Variants in DYNC1H1 observed in about 807,000 individuals in gnomAD.
DYNC1H1 encodes dynein cytoplasmic 1 heavy chain 1.
In DYNC1H1, 51 loss-of-function variants were observed where a neutral mutation model predicts 527.1. That is an observed-to-expected ratio of 0.10 (90% CI 0.08 to 0.12). DYNC1H1 has a LOEUF of 0.12. DYNC1H1 is among the 10% of genes least tolerant of loss of function. The probability of loss-of-function intolerance (pLI) is 1.00; values close to 1 mark genes in which losing one functional copy is unlikely to be tolerated. For missense variants in DYNC1H1, 2,771 were observed against 5,971.8 expected, an observed-to-expected ratio of 0.46 and a Z score of 17.66; for synonymous variants, 2,189 against 2,278.8, an observed-to-expected ratio of 0.96 and a Z score of 1.12.
chr14:102,020,554 G>A lies in DYNC1H1; in HGVS notation c.8507+498G>A, dbSNP rs2048373283. Among the ~76,000 whole-genome samples the A allele has an allele frequency of 6.6e-6, 1 of 152,134 alleles. No homozygotes were observed. The highest frequency in any genetic ancestry group is 1.5e-5 in the Non-Finnish European group (1 of 68,032). ...TTTCTCAGTCTGTGTTCTCATCAAA[G>A]GCTTTGCAGCTGCAGCTCTGGGGCA... On this transcript the variant is annotated intron_variant, in intron 42 of 77. Transcript: ENST00000360184. This position sits in a 1 kb window ranked among gnomAD's most constrained non-coding sequence, Gnocchi z 4.3.
Position 102,004,841 on chromosome 14 carries a change from G to C in DYNC1H1, c.5129G>C (p.Arg1710Thr). Residue 1710 changes from arginine (R) to threonine (T), a missense_variant, in exon 25 of 78, where the codon AGA (arginine) becomes ACA (threonine). This residue lies in a region of DYNC1H1 where 105 missense variants were observed against 138.1 expected (regional missense o/e 0.76). Coordinates refer to ENST00000360184, the MANE Select transcript of DYNC1H1 (RefSeq NM_001376.5). Reference protein sequence around the residue: ...EWLTLVEKEMRVTLAKLLAES... With the variant: ...EWLTLVEKEMTVTLAKLLAES... Reference sequence around the variant, plus strand: ...CTCACATTGGTAGAAAAGGAGATGAGAGTCACCCTGGCCAAACTGCTTGCT... The same window carrying C: ...CTCACATTGGTAGAAAAGGAGATGACAGTCACCCTGGCCAAACTGCTTGCT... 6.2e-7 allele frequency: 1 copy of C among 1,614,178 alleles called. No individual in the cohort carries two copies. The highest frequency in any genetic ancestry group is 8.5e-7 in the Non-Finnish European group (1 of 1,180,044).
rs933737568 is a variant in DYNC1H1 at position 102,055,332 on chromosome 14, G to A, written c.*4769G>A. The A allele has an allele frequency of 3.3e-5, 5 of 152,108 alleles. No individual in the cohort carries two copies. Among genetic ancestry groups the A allele is most frequent in the African/African-American group, 4.8e-5 (2 of 41,376 alleles). The allele number at this position is 152,108 out of a possible 1,614,324, so 9.4% of individuals were successfully genotyped here. On this transcript the variant is annotated 3_prime_UTR_variant, in exon 78 of 78. Transcript: ENST00000360184. ...CTGGGAACACCGAGACCGAGAGCGC[G>A]TGGCTGTGTCTACAAAGGCCTCCTC... is the stretch of plus-strand genomic sequence containing the variant.
At position 102,022,797 on chromosome 14, in the gene DYNC1H1, A is replaced by G. The variant is rs1595620859; in HGVS notation, c.8554A>G (p.Thr2852Ala). 6.2e-7 allele frequency: 1 copy of G among 1,614,242 alleles called. No homozygotes were observed. Among genetic ancestry groups the G allele is most frequent in the Non-Finnish European group, 8.5e-7 (1 of 1,180,042 alleles). ...ERRWTDENIDTVALKHFPNID... is the reference protein window; with the variant it reads ...ERRWTDENIDAVALKHFPNID... Reference sequence around the variant, plus strand: ...GCGTTGGACTGATGAGAACATCGACACGGTTGCTCTGAAGCACTTCCCTAA... The same window carrying G: ...GCGTTGGACTGATGAGAACATCGACGCGGTTGCTCTGAAGCACTTCCCTAA... Residue 2852 changes from threonine (T) to alanine (A), a missense_variant, in exon 43 of 78, where the codon ACG (threonine) becomes GCG (alanine). By Grantham distance (58) the Thr-to-Ala change is moderately conservative. Around this residue, in one of 32 missense-constraint regions of DYNC1H1, gnomAD observed 163 missense variants for 346.9 expected, o/e 0.47. Transcript: ENST00000360184.
rs1419547377 is a variant in DYNC1H1 at position 102,044,716 on chromosome 14, T to C, written c.13006+18T>C. The C allele has an allele frequency of 1.2e-6, 2 of 1,612,200 alleles. No individual in the cohort carries two copies. The highest frequency in any genetic ancestry group is 4.5e-5 in the East Asian group (2 of 44,810). On this transcript the variant is annotated intron_variant, in intron 72 of 77. Coordinates refer to ENST00000360184, the MANE Select transcript of DYNC1H1 (RefSeq NM_001376.5). The surrounding 1 kb of genome is among the most constrained non-coding windows in gnomAD (Gnocchi z 7.1). ...CACACAGGGTAGGCAACAAGGATCCTCCCCACACGCAGGGTGGGTGGCGAG... is the reference window on the plus strand; with the variant it reads ...CACACAGGGTAGGCAACAAGGATCCCCCCCACACGCAGGGTGGGTGGCGAG...
chr14:102,046,525 C>A (rs890780959), intron 72 of DYNC1H1, among the ~76,000 whole-genome samples: 1 of 151,976 alleles, frequency 6.6e-6, no homozygotes, highest in African/African-American at 2.4e-5. Flanking sequence ...GAGAGCCAGG[C>A]GAGCTGGGCG....
At chr14:102,043,800 T>C in intron 69 of DYNC1H1, 75 bp from the exon 70 acceptor site, 1 of 1,605,386 alleles carries the variant, frequency 6.2e-7, no homozygotes. Flanking sequence ...AAGCTTTGAC[T>C]GACCTGGCAT....
At chr14:101,988,905 C>T (rs1295997983) in intron 10 of DYNC1H1, 53 bp downstream of exon 10, 2 of 1,609,452 alleles carry the variant, frequency 1.2e-6, no homozygotes, top group South Asian at 1.1e-5. Flanking sequence ...ACAAAACTCT[C>T]TCGTTAAAAA....
chr14:102,030,085 G>A (rs1371692988), intron 50 of DYNC1H1, 77 bp from the exon 51 acceptor site: 1 of 1,537,446 alleles, frequency 6.5e-7, no homozygotes, highest in Non-Finnish European at 8.9e-7. Context: ...TGTTGGCAGA[G>A]TGAAGAATGT....
chr14:101,985,267 CAATT>C lies in DYNC1H1; in HGVS notation c.1462-417_1462-414del, dbSNP rs1336691810. On this transcript the variant is annotated intron_variant, in intron 7 of 77. Coordinates refer to ENST00000360184, the MANE Select transcript of DYNC1H1 (RefSeq NM_001376.5). The surrounding 1 kb of genome is among the most constrained non-coding windows in gnomAD (Gnocchi z 5.9). ...TTACATATGCCTGAGATTTATAAAACAATTAAATGACTAATTTCTTTATATATAT... is the reference window on the plus strand; with the variant it reads ...TTACATATGCCTGAGATTTATAAAACAAATGACTAATTTCTTTATATATAT... Among the ~76,000 whole-genome samples, 1 of 152,088 alleles carries C rather than the reference CAATT, an allele frequency of 6.6e-6. No homozygotes were observed. The highest frequency in any genetic ancestry group is 1.5e-5 in the Non-Finnish European group (1 of 68,010).
intron 2 of DYNC1H1, among the ~76,000 whole-genome samples, chr14:101,977,118 T>C (rs970926813): frequency 6.6e-6 from 1 of 152,234 alleles, no homozygotes; most frequent in Non-Finnish European, 1.5e-5. Flanking sequence ...GTAAACATTC[T>C]ATATGCAGGT....
Position 102,018,978 on chromosome 14 carries a change from A to G in DYNC1H1, c.8343+362A>G, listed in dbSNP as rs2048355096. ...TAAAATGAGAAGTTTATTGAAATAA[A>G]GATTGGACTTTATTCAGAGATGTTA... On this transcript the variant is annotated intron_variant, in intron 41 of 77. Coordinates refer to ENST00000360184, the MANE Select transcript of DYNC1H1 (RefSeq NM_001376.5). The surrounding 1 kb of genome is among the most constrained non-coding windows in gnomAD (Gnocchi z 5.2). Among the ~76,000 whole-genome samples, 1 of 152,186 alleles carries G rather than the reference A, an allele frequency of 6.6e-6. No homozygotes were observed.
rs747634585 is a variant in DYNC1H1 at position 102,049,464 on chromosome 14, A to T, written c.13397A>T (p.His4466Leu). The T allele has an allele frequency of 7.4e-6, 12 of 1,614,044 alleles. No individual in the cohort carries two copies. Among genetic ancestry groups the T allele is most frequent in the African/African-American group, 2.7e-5 (2 of 74,932 alleles). The stretch of plus-strand genomic sequence containing the variant: ...GGGATCTTGCCTCGGAGCTGGTCCC[A>T]CTACACGGTGCCTGCCGGCATGACC... ...VKGILPRSWS[H>L]YTVPAGMTVI... The change falls in exon 75 of 78, where the codon CAC becomes CTC. Residue 4466 changes from histidine to leucine, a missense_variant. His to Leu is a moderately conservative substitution (Grantham distance 99). Around this residue, in one of 32 missense-constraint regions of DYNC1H1, gnomAD observed 170 missense variants for 249.8 expected, o/e 0.68. Coordinates refer to ENST00000360184, the MANE Select transcript of DYNC1H1 (RefSeq NM_001376.5). This position sits in a 1 kb window ranked among gnomAD's most constrained non-coding sequence, Gnocchi z 5.5.
In DYNC1H1 at chr14:101,979,609, C is replaced by G; in HGVS notation, c.519-110C>G. On this transcript the variant is annotated intron_variant, in intron 3 of 77. Coordinates refer to ENST00000360184, the MANE Select transcript of DYNC1H1 (RefSeq NM_001376.5). The surrounding 1 kb of genome is among the most constrained non-coding windows in gnomAD (Gnocchi z 4.6). The stretch of plus-strand genomic sequence containing the variant: ...CTAGTGAGCCGAGGGGATATAAACC[C>G]TGTGTATTAATAAATATGTGTGTCA... 5.0e-6 allele frequency: 8 copies of G among 1,606,150 alleles called. No individual in the cohort carries two copies. Among genetic ancestry groups the G allele is most frequent in the Non-Finnish European group, 6.8e-6 (8 of 1,174,802 alleles).
At chr14:102,009,747 A>G in intron 29 of DYNC1H1, 96 bp from the exon 30 acceptor site, 1 of 1,592,114 alleles carries the variant, frequency 6.3e-7, no homozygotes, top group South Asian at 1.1e-5. Flanking sequence ...CCCTGGGAGA[A>G]CGAGAGCTTT....
chr14:101,984,440 TA>T (rs1251805945), intron 7 of DYNC1H1, among the ~76,000 whole-genome samples: 7 of 135,834 alleles, frequency 5.2e-5, no homozygotes, highest in African/African-American at 1.5e-4. Context: ...TGTATATATA[TA>T]TATATTATAT....
Position 102,044,535 on chromosome 14 carries a change from GCGTCTGGT to G in DYNC1H1, c.12902+45_12902+52del, listed in dbSNP as rs753280119. 1.2e-6 allele frequency: 2 copies of G among 1,613,940 alleles called. No individual in the cohort carries two copies. The highest frequency in any genetic ancestry group is 8.5e-7 in the Non-Finnish European group (1 of 1,179,860). ...GAATGGAGACAGTTGTGATGTCAGG[GCGTCTGGT>G]GTCACTCAGAGGTGACCCCTGACAT... On this transcript the variant is annotated intron_variant, in intron 71 of 77. Transcript: ENST00000360184. The surrounding 1 kb of genome is among the most constrained non-coding windows in gnomAD (Gnocchi z 7.1).
Position 102,044,568 on chromosome 14 carries a change from T to A in DYNC1H1, c.12903-27T>A. Reference sequence around the variant, plus strand: ...TGTCACTCAGAGGTGACCCCTGACATCATTTCCAAATGCACTGGTTTTCTA... The same window carrying A: ...TGTCACTCAGAGGTGACCCCTGACAACATTTCCAAATGCACTGGTTTTCTA... On this transcript the variant is annotated intron_variant, in intron 71 of 77. Coordinates refer to ENST00000360184, the MANE Select transcript of DYNC1H1 (RefSeq NM_001376.5). The surrounding 1 kb of genome is among the most constrained non-coding windows in gnomAD (Gnocchi z 7.1). 6.2e-7 allele frequency: 1 copy of A among 1,613,938 alleles called. No individual in the cohort carries two copies. The highest frequency in any genetic ancestry group is 8.5e-7 in the Non-Finnish European group (1 of 1,179,852).
At position 102,020,430 on chromosome 14, in the gene DYNC1H1, C is replaced by T. The variant is rs1293919979; in HGVS notation, c.8507+374C>T. On this transcript the variant is annotated intron_variant, in intron 42 of 77. Transcript: ENST00000360184. This position sits in a 1 kb window ranked among gnomAD's most constrained non-coding sequence, Gnocchi z 4.3. ...TGGGACCACAAAAGGTAGCAGCTGCCTGTGATAACCTTACCAGAGCACGGG... is the reference window on the plus strand; with the variant it reads ...TGGGACCACAAAAGGTAGCAGCTGCTTGTGATAACCTTACCAGAGCACGGG... Among the ~76,000 whole-genome samples, 4 of 152,148 alleles carry T rather than the reference C, an allele frequency of 2.6e-5. No individual in the cohort carries two copies. Among genetic ancestry groups the T allele is most frequent in the Non-Finnish European group, 5.9e-5 (4 of 68,040 alleles).
intron 27 of DYNC1H1, 96 bp downstream of exon 27, chr14:102,006,266 T>C: frequency 3.9e-6 from 6 of 1,555,586 alleles, no homozygotes; most frequent in Non-Finnish European, 4.3e-6. Flanking sequence ...TGAGATGGAG[T>C]GTCTGTCGCC....
Sources: gnomAD v4.1 joint callset for allele counts (sites outside exome capture counted in the v4.1 genomes callset) on GRCh38, gnomAD v4.1.1 for gene constraint, gnomAD v4.1.1 regional missense constraint, Gnocchi (gnomAD v3.1) non-coding constraint, MANE v1.5 for transcripts, NCBI Gene and HGNC (gene_info 2026-07-23, HGNC 2026-07-21) for gene names.